The following SDK1 variants were observed in gnomAD, a reference collection of about 807,000 sequenced individuals.
The protein encoded by SDK1 is sidekick cell adhesion molecule 1.
Under a neutral mutation model 245.5 loss-of-function variants are expected in SDK1, and 157 were observed. The ratio of observed to expected loss-of-function variants is 0.64; its 90% CI spans 0.56 to 0.73. The LOEUF (loss-of-function observed/expected upper bound fraction) is 0.73. Among genes scored for constraint, SDK1 ranks in the 30% least tolerant of loss-of-function variants. The pLI is 0.00. For missense variants in SDK1, 3,583 were observed against 3,002.3 expected (o/e 1.19, Z -4.52); for synonymous variants, 1,647 against 1,278.5 (o/e 1.29, Z -6.15).
At chr7:3,534,454 C>G (rs999706128) in intron 1 of SDK1, among the ~76,000 whole-genome samples, 20 of 152,034 alleles carry the variant, frequency 1.3e-4, no homozygotes, top group African/African-American at 4.8e-4. Flanking sequence ...TTTTGAGAAA[C>G]CTCCATACCA....
At chr7:3,946,354 T>A (rs1404969293) in intron 5 of SDK1, among the ~76,000 whole-genome samples, 1 of 152,076 alleles carries the variant, frequency 6.6e-6, no homozygotes, top group African/African-American at 2.4e-5. Flanking sequence ...ATAAAAAAAT[T>A]ATTTTTGTAG....
intron 4 of SDK1, among the ~76,000 whole-genome samples, chr7:3,786,960 G>A (rs2115018435): frequency 1.3e-5 from 2 of 152,050 alleles, no homozygotes; most frequent in Middle Eastern, 3.4e-3. Flanking sequence ...GCAAATAGAA[G>A]AAATAGAGTA....
At chr7:4,245,857 A>G (rs1387563604) in intron 44 of SDK1, 52 bp downstream of exon 44, 3 of 1,606,308 alleles carry the variant, frequency 1.9e-6, no homozygotes, top group Admixed American at 1.7e-5. Context: ...CTACTTCTGC[A>G]GTGAGACTTC....
intron 4 of SDK1, among the ~76,000 whole-genome samples, chr7:3,754,616 C>G (rs907995617): frequency 7.9e-5 from 12 of 151,706 alleles, no homozygotes; most frequent in African/African-American, 2.9e-4. Flanking sequence ...TCTTCCTGTC[C>G]CAGGGAAGTT....
At chr7:4,189,456 C>T (rs896067680) in intron 35 of SDK1, among the ~76,000 whole-genome samples, 1 of 152,182 alleles carries the variant, frequency 6.6e-6, no homozygotes. Flanking sequence ...GGAGTGGCTG[C>T]CCAGCTCAGA....
At chr7:3,434,835 C>A (rs1779972949) in intron 1 of SDK1, among the ~76,000 whole-genome samples, 1 of 152,090 alleles carries the variant, frequency 6.6e-6, no homozygotes, top group Non-Finnish European at 1.5e-5. Context: ...CCTAGTGGAG[C>A]CTGCCAAGAC....
intron 4 of SDK1, among the ~76,000 whole-genome samples, chr7:3,655,696 T>G (rs1783161196): frequency 6.6e-6 from 1 of 151,774 alleles, no homozygotes; most frequent in Non-Finnish European, 1.5e-5. Context: ...GAATATTTAT[T>G]GAACAAATAG....
chr7:3,492,793 G>C (rs2177168), intron 1 of SDK1, among the ~76,000 whole-genome samples: 34,236 of 152,166 alleles, frequency 0.22, 4,218 homozygotes, highest in East Asian at 0.33. Flanking sequence ...CGATGCAGCT[G>C]TTTAGCTTGC....
chr7:3,971,095 A>G (rs1372350275), intron 11 of SDK1, among the ~76,000 whole-genome samples: 2 of 152,200 alleles, frequency 1.3e-5, no homozygotes, highest in Non-Finnish European at 2.9e-5. Context: ...ACAGACTCAA[A>G]AAGTACCATG....
intron 1 of SDK1, among the ~76,000 whole-genome samples, chr7:3,601,710 G>T (rs1781259338): frequency 6.6e-6 from 1 of 151,316 alleles, no homozygotes; most frequent in African/African-American, 2.4e-5. Context: ...AAGTTTTAGG[G>T]TACATGTGCA....
At chr7:3,984,090 G>GTGTGCC (rs1341076280) in intron 13 of SDK1, among the ~76,000 whole-genome samples, 2 of 152,152 alleles carry the variant, frequency 1.3e-5, no homozygotes, top group Non-Finnish European at 2.9e-5. Flanking sequence ...TTGCTGTTGG[G>GTGTGCC]TGTGCCTGCT....
intron 5 of SDK1, among the ~76,000 whole-genome samples, chr7:3,838,943 C>T (rs1402609094): frequency 3.9e-5 from 6 of 152,118 alleles, no homozygotes; most frequent in Non-Finnish European, 8.8e-5. Context: ...CTGCTCGGGC[C>T]CTGAAGGCAT....
chr7:3,401,459 C>G lies in SDK1; in HGVS notation c.298+99575C>G, dbSNP rs191472558. Among the ~76,000 whole-genome samples the G allele has an allele frequency of 2.2e-4, 33 of 152,280 alleles. No individual in the cohort carries two copies. The East Asian group carries it at 4.8e-3, about 22-fold the overall frequency. ...TTTTGAGAGAGAGCATCTGTAGAGT[C>G]AAATGGTACTTGCCAAACTATTCCA... On this transcript the variant is annotated intron_variant, in intron 1 of 44. Transcript: ENST00000404826.
chr7:3,811,978 C>G (rs915792796), intron 4 of SDK1, among the ~76,000 whole-genome samples: 16 of 152,186 alleles, frequency 1.1e-4, no homozygotes, highest in African/African-American at 3.6e-4. Flanking sequence ...TCTACTTTTC[C>G]TCTAAAACTC....
At chr7:3,705,551 G>T (rs934645161) in intron 4 of SDK1, among the ~76,000 whole-genome samples, 44 of 150,936 alleles carry the variant, frequency 2.9e-4, no homozygotes, top group African/African-American at 1.0e-3. Context: ...TTGAGTCTCA[G>T]TTTGGTGGTT....
Position 3,619,186 on chromosome 7 carries a change from G to A in SDK1, c.405G>A (p.Glu135=). The part of the protein sequence containing the change: ...TCLAEGSWPL[E]FKWMRDDSEL... ...TTGCCGAAGGGAGCTGGCCTTTGGA[G>A]TTCAAGTGGATGCGCGATGACAGTG... The change falls in exon 2 of 45, where the codon GAG becomes GAA. Residue 135 remains glutamate, a synonymous_variant. Transcript: ENST00000404826. 1 of 1,613,962 alleles carries A rather than the reference G, an allele frequency of 6.2e-7. No homozygotes were observed. Among genetic ancestry groups the A allele is most frequent in the Middle Eastern group, 1.7e-4 (1 of 6,060 alleles).
chr7:4,250,113 T>C (rs148827585), intron 44 of SDK1, among the ~76,000 whole-genome samples: 16 of 152,326 alleles, frequency 1.1e-4, no homozygotes, highest in Non-Finnish European at 2.1e-4. Flanking sequence ...TAGGTGTGCC[T>C]ATGTGGACAT....
Position 3,366,647 on chromosome 7 carries a change from T to C in SDK1, c.298+64763T>C, listed in dbSNP as rs565919229. Among the ~76,000 whole-genome samples the C allele has an allele frequency of 8.5e-5, 13 of 152,334 alleles. No individual in the cohort carries two copies. In the East Asian group the frequency reaches 2.5e-3, roughly 29 times the overall value. On this transcript the variant is annotated intron_variant, in intron 1 of 44. Transcript: ENST00000404826. ...ATTTATGGGGATAGTTGAACATCTTTAAAAACATTTAAAGACTTTTGTCTT... is the reference window on the plus strand; with the variant it reads ...ATTTATGGGGATAGTTGAACATCTTCAAAAACATTTAAAGACTTTTGTCTT...
At chr7:3,597,330 T>C (rs1781099950) in intron 1 of SDK1, among the ~76,000 whole-genome samples, 1 of 151,522 alleles carries the variant, frequency 6.6e-6, no homozygotes, top group Admixed American at 6.6e-5. Context: ...CTAGTTACAG[T>C]TCACTTTGTA....
Sources: gnomAD v4.1 joint callset for allele counts (sites outside exome capture counted in the v4.1 genomes callset) on GRCh38, gnomAD v4.1.1 for gene constraint, MANE v1.5 for transcripts, NCBI Gene and HGNC (gene_info 2026-07-23, HGNC 2026-07-21) for gene names.